Variants in SNTG1 observed in about 807,000 individuals in gnomAD.
The protein encoded by SNTG1 is gamma-1-syntrophin.
In SNTG1, 39 loss-of-function variants were observed where a neutral mutation model predicts 74.7. That is an observed-to-expected ratio of 0.52 (90% confidence interval 0.40 to 0.68). SNTG1 has a LOEUF of 0.68. Ranked by LOEUF, SNTG1 falls within the 30% of genes least tolerant of loss-of-function variation. The pLI, the probability that SNTG1 is intolerant of heterozygous loss-of-function variation, is 0.00. For synonymous variants in SNTG1, 254 were observed against 217.1 expected (o/e 1.17, Z -1.49); for missense variants, 685 against 609.5 (o/e 1.12, Z -1.30).
rs901632718 is a variant in SNTG1, at chr8:50,752,251, G to T, written c.1395+140G>T. 4 of 426,576 alleles carry T rather than the reference G, an allele frequency of 9.4e-6. No homozygotes were observed. In the Admixed American group the frequency reaches 1.7e-4, roughly 19 times the overall value. 26.4% of individuals were successfully genotyped at this position (426,576 alleles called of 1,614,324 possible). ...CTTGAAATATCCGTCATGGCCAGAA[G>T]AATAAACTTACTTTAAGATTTTATT... On this transcript the variant is annotated intron_variant, in intron 18 of 18. Transcript: ENST00000642720.
chr8:50,601,541 A>G (rs894262747), intron 13 of SNTG1, among the ~76,000 whole-genome samples: 2 of 152,196 alleles, frequency 1.3e-5, no homozygotes, highest in African/African-American at 4.8e-5. Flanking sequence ...GTTAGCTGAC[A>G]TATGGTATCT....
chr8:50,564,843 T>A (rs1281090459), intron 12 of SNTG1, among the ~76,000 whole-genome samples: 1 of 152,096 alleles, frequency 6.6e-6, no homozygotes, highest in Non-Finnish European at 1.5e-5. Flanking sequence ...AATAAAAATA[T>A]GCTATTATTA....
intron 2 of SNTG1, among the ~76,000 whole-genome samples, chr8:50,233,997 TA>T (rs1405521173): frequency 6.6e-6 from 1 of 151,880 alleles, no homozygotes; most frequent in Non-Finnish European, 1.5e-5. Context: ...TGGCATTTTT[TA>T]AAAATCAAAC....
intron 2 of SNTG1, among the ~76,000 whole-genome samples, chr8:50,375,160 T>A (rs74680201): frequency 0.05 from 7,648 of 152,216 alleles, 255 homozygotes; most frequent in Non-Finnish European, 0.071. Flanking sequence ...ACAACATCAT[T>A]TCTGAAACTC....
chr8:50,743,678 A>G (rs553249902), intron 17 of SNTG1, among the ~76,000 whole-genome samples: 58 of 151,970 alleles, frequency 3.8e-4, no homozygotes, highest in African/African-American at 1.3e-3. Context: ...AAAATTGAAA[A>G]TTAGTAAAAT....
intron 1 of SNTG1, among the ~76,000 whole-genome samples, chr8:50,062,447 A>G (rs1034859273): frequency 1.3e-5 from 2 of 152,008 alleles, no homozygotes; most frequent in African/African-American, 4.8e-5. Flanking sequence ...GTGAATACAC[A>G]TTTAAGATTG....
Position 49,911,853 on chromosome 8 carries a change from C to T in SNTG1, c.-481C>T, listed in dbSNP as rs1200842475. On this transcript the variant is annotated 5_prime_UTR_variant, in exon 1 of 19. Transcript: ENST00000642720. ...TAAAAGGCGGTGCCTCCTATTACCC[C>T]CTCGCCTCCCGGCCCCCTTCCTTAA... 24 of 152,368 alleles carry T rather than the reference C, an allele frequency of 1.6e-4. No homozygotes were observed. Among genetic ancestry groups the T allele is most frequent in the Admixed American group, 1.6e-3 (24 of 15,284 alleles). The allele number at this position is 152,368 out of a possible 1,614,324, so 9.4% of individuals were successfully genotyped here.
chr8:50,094,870 C>T (rs1269235780), intron 1 of SNTG1, among the ~76,000 whole-genome samples: 9 of 152,096 alleles, frequency 5.9e-5, no homozygotes, highest in Admixed American at 5.2e-4. Flanking sequence ...ATGTTCATTG[C>T]AGCACTATTC....
At position 50,112,610 on chromosome 8, in the gene SNTG1, T is replaced by G. The variant is rs544438614; in HGVS notation, c.-102-59951T>G. On this transcript the variant is annotated intron_variant, in intron 1 of 18. Transcript: ENST00000642720. ...CAATCTCAGCTCACTGCAACCTCTA[T>G]CTCCCAGGTTCAAGAGAGTCTTCTG... is the stretch of plus-strand genomic sequence containing the variant. Among the ~76,000 whole-genome samples the G allele has an allele frequency of 2.9e-5, 4 of 140,218 alleles. No individual in the cohort carries two copies. In the East Asian group the frequency reaches 1.0e-3, roughly 36 times the overall value. 92.0% of individuals were successfully genotyped at this position (140,218 alleles called of 152,430 possible).
At chr8:50,435,461 A>G (rs2093291719) in intron 4 of SNTG1, among the ~76,000 whole-genome samples, 1 of 152,134 alleles carries the variant, frequency 6.6e-6, no homozygotes, top group African/African-American at 2.4e-5. Flanking sequence ...GAAATGGTTC[A>G]TTTCTTCTTT....
At chr8:49,943,542 T>C (rs1394024270) in intron 1 of SNTG1, among the ~76,000 whole-genome samples, 1 of 152,374 alleles carries the variant, frequency 6.6e-6, no homozygotes, top group Admixed American at 6.5e-5. Context: ...TGTGGAAGGA[T>C]CTTTTTGTCT....
At chr8:49,941,239 T>A (rs973612215) in intron 1 of SNTG1, among the ~76,000 whole-genome samples, 2 of 152,008 alleles carry the variant, frequency 1.3e-5, no homozygotes, top group Non-Finnish European at 2.9e-5. Flanking sequence ...CTCCGTGCAG[T>A]TCCTTTTGAG....
In SNTG1 at chr8:50,060,649, G is replaced by A. The variant is rs896428324; in HGVS notation, c.-102-111912G>A. ...CATCTCTCCCTGCCTCTGATCTTAGGGTTTCTCACTATTAGGCCTTTCACT... is the reference window on the plus strand; with the variant it reads ...CATCTCTCCCTGCCTCTGATCTTAGAGTTTCTCACTATTAGGCCTTTCACT... On this transcript the variant is annotated intron_variant, in intron 1 of 18. Transcript: ENST00000642720. 2.6e-5 allele frequency among the ~76,000 whole-genome samples: 4 copies of A among 151,816 alleles called. No individual in the cohort carries two copies. In the East Asian group the frequency reaches 7.7e-4, roughly 29 times the overall value.
chr8:50,795,310 A>G lies in SNTG1; in HGVS notation c.*2481A>G, dbSNP rs533816529. 1.3e-5 allele frequency: 2 copies of G among 152,204 alleles called. No homozygotes were observed. The highest frequency in any genetic ancestry group is 4.1e-4 in the South Asian group (2 of 4,830). The allele number at this position is 152,204 out of a possible 1,614,324, so 9.4% of individuals were successfully genotyped here. On this transcript the variant is annotated 3_prime_UTR_variant, in exon 19 of 19. Coordinates refer to ENST00000642720, the MANE Select transcript of SNTG1 (RefSeq NM_018967.5). ...TATTCTCGTTTTCATCAGTTTAACA[A>G]TTAGTATTTAATGTTTTCTTTACAA...
chr8:50,030,966 T>C (rs1289726364), intron 1 of SNTG1, among the ~76,000 whole-genome samples: 1 of 151,982 alleles, frequency 6.6e-6, no homozygotes, highest in East Asian at 1.9e-4. Context: ...TTCTAATCCA[T>C]GGATGTGGCA....
chr8:50,020,103 C>G (rs1345120197), intron 1 of SNTG1, among the ~76,000 whole-genome samples: 1 of 152,132 alleles, frequency 6.6e-6, no homozygotes, highest in Admixed American at 6.6e-5. Flanking sequence ...TCCCCATTTA[C>G]ATTGTGTATT....
In SNTG1 at chr8:49,969,399, T is replaced by A. The variant is rs983093128; in HGVS notation, c.-103+57168T>A. Among the ~76,000 whole-genome samples the A allele has an allele frequency of 9.4e-4, 129 of 137,106 alleles. 8 individuals are homozygous for A. The highest frequency in any genetic ancestry group is 1.1e-3 in the African/African-American group (38 of 36,092). The allele number at this position is 137,106 out of a possible 152,430, so 89.9% of individuals were successfully genotyped here. ...TAATTCATTTAATCTTTTTTTTTTTTTTTTTTTTTTTTTTTGAAATGGACT... is the reference window on the plus strand; with the variant it reads ...TAATTCATTTAATCTTTTTTTTTTTATTTTTTTTTTTTTTTGAAATGGACT... On this transcript the variant is annotated intron_variant, in intron 1 of 18. Transcript: ENST00000642720.
intron 2 of SNTG1, among the ~76,000 whole-genome samples, chr8:50,329,817 T>G (rs1340681485): frequency 6.6e-6 from 1 of 152,174 alleles, no homozygotes; most frequent in African/African-American, 2.4e-5. Flanking sequence ...TAGAAATTTT[T>G]TTTTTCTATT....
chr8:50,570,180 G>A (rs770321812), intron 12 of SNTG1, among the ~76,000 whole-genome samples: 11 of 144,990 alleles, frequency 7.6e-5, no homozygotes, highest in African/African-American at 2.0e-4. Context: ...CCTCTCCTTC[G>A]GATATATACT....
Sources: allele counts gnomAD v4.1 joint callset (sites outside exome capture counted in the v4.1 genomes callset), GRCh38; gene constraint gnomAD v4.1.1; transcripts MANE v1.5; gene names NCBI Gene and HGNC (gene_info 2026-07-23, HGNC 2026-07-21).